Variants in JAM2 observed in about 807,000 individuals in gnomAD.
JAM2 encodes junctional adhesion molecule 2, also known as junctional adhesion molecule B.
Under a neutral mutation model 42.0 loss-of-function variants are expected in JAM2, and 17 were observed. The ratio of observed to expected loss-of-function variants is 0.40; its 90% CI spans 0.28 to 0.61. The LOEUF (loss-of-function observed/expected upper bound fraction) is 0.61. Among genes scored for constraint, JAM2 ranks in the 20% least tolerant of loss-of-function variants. JAM2 has a pLI of 0.37. For missense variants in JAM2, 319 were observed against 358.3 expected, an observed-to-expected ratio of 0.89 and a Z score of 0.89; for synonymous variants, 118 against 128.6, an observed-to-expected ratio of 0.92 and a Z score of 0.56.
intron 3 of JAM2, 92 bp from the exon 4 acceptor site, chr21:25,693,664 G>A (rs955807863): frequency 2.0e-6 from 2 of 1,000,640 alleles, no homozygotes; most frequent in Admixed American, 4.8e-5. Flanking sequence ...GGAAATAAAT[G>A]CTTTGGTTAC....
intron 4 of JAM2, among the ~76,000 whole-genome samples, chr21:25,698,325 T>G (rs549167991): frequency 6.6e-6 from 1 of 152,332 alleles, no homozygotes; most frequent in East Asian, 1.9e-4. Flanking sequence ...TGACACCTAC[T>G]TGGTAGTTGC....
chr21:25,714,619 G>T, intron 9 of JAM2, 21 bp from the exon 10 acceptor site: 1 of 1,388,066 alleles, frequency 7.2e-7, no homozygotes, highest in Non-Finnish European at 9.9e-7. Context: ...ATTTAAACCT[G>T]TTTTTTCTTT....
chr21:25,689,290 T>G (rs1041990689), intron 2 of JAM2, among the ~76,000 whole-genome samples: 1 of 152,194 alleles, frequency 6.6e-6, no homozygotes, highest in Non-Finnish European at 1.5e-5. Context: ...GTAGAGAAGG[T>G]TGACAAAGAA....
intron 1 of JAM2, among the ~76,000 whole-genome samples, chr21:25,663,741 C>A (rs950613204): frequency 5.9e-5 from 9 of 152,114 alleles, no homozygotes; most frequent in African/African-American, 2.2e-4. Flanking sequence ...TCAGATGTGA[C>A]CCCTCTACCT....
intron 1 of JAM2, among the ~76,000 whole-genome samples, chr21:25,679,771 T>A (rs1452502022): frequency 6.6e-6 from 1 of 152,246 alleles, no homozygotes; most frequent in Non-Finnish European, 1.5e-5. Context: ...CAAACTCTCC[T>A]GTCTTCATTA....
intron 6 of JAM2, among the ~76,000 whole-genome samples, chr21:25,705,557 T>C (rs1424841828): frequency 6.6e-6 from 1 of 152,106 alleles, no homozygotes; most frequent in African/African-American, 2.4e-5. Context: ...TTCTTTGACG[T>C]TGAGTTTTTC....
intron 1 of JAM2, among the ~76,000 whole-genome samples, chr21:25,647,928 G>A (rs2032659343): frequency 6.6e-6 from 1 of 152,200 alleles, no homozygotes; most frequent in Non-Finnish European, 1.5e-5. Flanking sequence ...ATGCACTAGA[G>A]GGCTGGGCGC....
chr21:25,674,860 T>C (rs1010436089), intron 1 of JAM2, among the ~76,000 whole-genome samples: 1 of 152,002 alleles, frequency 6.6e-6, no homozygotes, highest in African/African-American at 2.4e-5. Flanking sequence ...GGTTACTTTC[T>C]ATTAATATAC....
chr21:25,697,007 ATTTTTT>A (rs11348784), intron 4 of JAM2, among the ~76,000 whole-genome samples: 1 of 133,346 alleles, frequency 7.5e-6, no homozygotes, highest in African/African-American at 2.8e-5. Flanking sequence ...GCACACACCT[ATTTTTT>A]TTTTTTTTTT....
intron 4 of JAM2, among the ~76,000 whole-genome samples, chr21:25,695,713 G>T (rs867134297): frequency 6.6e-6 from 1 of 151,596 alleles, no homozygotes; most frequent in African/African-American, 2.4e-5. Flanking sequence ...TTTCCAGATG[G>T]GGCGGCTGCC....
chr21:25,686,638 A>C (rs1226705014), intron 2 of JAM2, among the ~76,000 whole-genome samples: 1 of 152,242 alleles, frequency 6.6e-6, no homozygotes, highest in Non-Finnish European at 1.5e-5. Flanking sequence ...AGCCCTCTGC[A>C]AAGGGAGTCT....
intron 1 of JAM2, among the ~76,000 whole-genome samples, chr21:25,668,516 C>T (rs1369896846): frequency 6.6e-6 from 1 of 152,076 alleles, no homozygotes; most frequent in African/African-American, 2.4e-5. Context: ...GGCTGTGATA[C>T]GTGGGATCAC....
At chr21:25,640,823 CTCTT>C (rs1325463215) in intron 1 of JAM2, among the ~76,000 whole-genome samples, 2 of 151,328 alleles carry the variant, frequency 1.3e-5, no homozygotes, top group East Asian at 1.9e-4. Context: ...CTTTCTCTCT[CTCTT>C]TCTTTCTGTC....
intron 1 of JAM2, among the ~76,000 whole-genome samples, chr21:25,656,112 C>A (rs2032933837): frequency 6.6e-6 from 1 of 151,410 alleles, no homozygotes; most frequent in African/African-American, 2.4e-5. Flanking sequence ...ATATTTTATT[C>A]CCTAAAATGT....
chr21:25,677,237 A>T (rs2033519552), intron 1 of JAM2, among the ~76,000 whole-genome samples: 3 of 152,186 alleles, frequency 2.0e-5, no homozygotes, highest in African/African-American at 4.8e-5. Context: ...GCTACTAAGA[A>T]ATACTACCGA....
At position 25,690,999 on chromosome 21, in the gene JAM2, C is replaced by A. The variant is rs139203031; in HGVS notation, c.241+1026C>A. 4.1e-3 allele frequency among the ~76,000 whole-genome samples: 629 copies of A among 152,224 alleles called. 4 individuals are homozygous for A. The highest frequency in any genetic ancestry group is 0.014 in the African/African-American group (569 of 41,534). On this transcript the variant is annotated intron_variant, in intron 3 of 9. Transcript: ENST00000480456. The stretch of plus-strand genomic sequence containing the variant: ...AATGATACAGATGAAACAAGATAAA[C>A]CATGCATTGATTACTATTATAGCTG...
chr21:25,640,714 G>T (rs1162012460), intron 1 of JAM2, among the ~76,000 whole-genome samples: 1 of 152,190 alleles, frequency 6.6e-6, no homozygotes, highest in Non-Finnish European at 1.5e-5. Context: ...AATAGACTAA[G>T]CAATGCAGTT....
chr21:25,698,980 T>C, intron 5 of JAM2, 101 bp downstream of exon 5: 2 of 1,049,966 alleles, frequency 1.9e-6, no homozygotes, highest in Non-Finnish European at 2.8e-6. Flanking sequence ...ATACCATTGC[T>C]TGCTAAGTGG....
chr21:25,655,247 T>G (rs2032897856), intron 1 of JAM2, among the ~76,000 whole-genome samples: 2 of 151,972 alleles, frequency 1.3e-5, no homozygotes, highest in Admixed American at 6.6e-5. Flanking sequence ...TTATTGTTTA[T>G]TGTCTCTATT....
Sources: gnomAD v4.1 joint callset for allele counts (sites outside exome capture counted in the v4.1 genomes callset) on GRCh38, gnomAD v4.1.1 for gene constraint, MANE v1.5 for transcripts, NCBI Gene and HGNC (gene_info 2026-07-23, HGNC 2026-07-21) for gene names.